Variants in RAB38 observed in about 807,000 individuals in gnomAD.
RAB38 encodes the protein ras-related protein Rab-38.
A neutral mutation model predicts 18.4 loss-of-function variants in RAB38; 15 were observed. The ratio of observed to expected loss-of-function variants is 0.82; its 90% CI spans 0.55 to 1.26. The LOEUF is 1.26. RAB38 is among the 50% of genes most tolerant of loss of function. RAB38 has a pLI of 0.00. For missense variants in RAB38, 294 were observed against 267.4 expected (o/e 1.10, Z -0.69); for synonymous variants, 101 against 104.4 (o/e 0.97, Z 0.20).
chr11:87,877,776 A>AT, the RAB38 span, among the ~76,000 whole-genome samples: 1 of 151,344 alleles, frequency 6.6e-6, no homozygotes, highest in Non-Finnish European at 1.5e-5. Flanking sequence ...AAGCAGTATC[A>AT]TTTTCATGGC....
chr11:88,013,525 G>A, the RAB38 span, among the ~76,000 whole-genome samples: 3 of 152,102 alleles, frequency 2.0e-5, no homozygotes, highest in Non-Finnish European at 4.4e-5. Flanking sequence ...AAGCAATGCT[G>A]AGATTTTGTT....
intron 2 of RAB38, among the ~76,000 whole-genome samples, chr11:88,139,838 G>C (rs552469450): frequency 6.6e-6 from 1 of 152,328 alleles, no homozygotes; most frequent in East Asian, 1.9e-4. Context: ...GACTGGATCT[G>C]AAGTCTAGGC....
At chr11:87,929,862 G>A in the RAB38 span, among the ~76,000 whole-genome samples, 2 of 151,972 alleles carry the variant, frequency 1.3e-5, no homozygotes, top group South Asian at 4.2e-4. Context: ...ATGGTTTCCA[G>A]CTTCATCCAT....
chr11:87,881,076 C>A, the RAB38 span, among the ~76,000 whole-genome samples: 5 of 151,824 alleles, frequency 3.3e-5, no homozygotes, highest in African/African-American at 4.8e-5. Context: ...AGCTCCTGGG[C>A]TCAAGCAATC....
At chr11:87,822,565 G>C in the RAB38 span, among the ~76,000 whole-genome samples, 1 of 152,174 alleles carries the variant, frequency 6.6e-6, no homozygotes, top group Non-Finnish European at 1.5e-5. Flanking sequence ...AGATTTTCCA[G>C]CTTACTCAAG....
chr11:87,951,582 A>T, the RAB38 span, among the ~76,000 whole-genome samples: 1 of 151,790 alleles, frequency 6.6e-6, no homozygotes, highest in East Asian at 1.9e-4. Flanking sequence ...TTTGGTGTGG[A>T]TGTCCTTTCT....
the RAB38 span, among the ~76,000 whole-genome samples, chr11:87,916,646 TTC>T: frequency 6.6e-6 from 1 of 152,174 alleles, no homozygotes; most frequent in Non-Finnish European, 1.5e-5. Flanking sequence ...GTCTCAAGTA[TTC>T]TGTTATAGCA....
the RAB38 span, among the ~76,000 whole-genome samples, chr11:87,889,898 C>T: frequency 6.6e-6 from 1 of 151,754 alleles, no homozygotes; most frequent in Non-Finnish European, 1.5e-5. Context: ...TCTGTATTCT[C>T]TGTATCTAAT....
At chr11:88,047,966 A>T in the RAB38 span, among the ~76,000 whole-genome samples, 1 of 152,092 alleles carries the variant, frequency 6.6e-6, no homozygotes, top group Non-Finnish European at 1.5e-5. Context: ...AACCTCTTCC[A>T]TGTAGGTTAC....
chr11:87,968,066 T>A, the RAB38 span, among the ~76,000 whole-genome samples: 1 of 152,228 alleles, frequency 6.6e-6, no homozygotes. Flanking sequence ...ATATGACCTC[T>A]TGTTTGTATT....
the RAB38 span, among the ~76,000 whole-genome samples, chr11:87,977,816 A>T: frequency 9.2e-6 from 1 of 109,000 alleles, no homozygotes; most frequent in Non-Finnish European, 1.7e-5. Context: ...TTATATATTA[A>T]ATATATGTTC....
the RAB38 span, among the ~76,000 whole-genome samples, chr11:87,840,295 T>C: frequency 0.046 from 7,054 of 152,282 alleles, 300 homozygotes; most frequent in Admixed American, 0.14. Context: ...ATTTGCTTCA[T>C]GAAATTAAGA....
the RAB38 span, among the ~76,000 whole-genome samples, chr11:87,902,785 A>G: frequency 4.8e-3 from 726 of 151,250 alleles, 5 homozygotes; most frequent in African/African-American, 0.017. Flanking sequence ...CTTTCAAATG[A>G]TATTTTAAAA....
At chr11:88,093,889 C>T in the RAB38 span, among the ~76,000 whole-genome samples, 1 of 151,980 alleles carries the variant, frequency 6.6e-6, no homozygotes, top group South Asian at 2.1e-4. Context: ...GATGTCCTAC[C>T]CACTTTTTCT....
the RAB38 span, among the ~76,000 whole-genome samples, chr11:87,966,731 T>A: frequency 2.0e-5 from 3 of 152,182 alleles, no homozygotes; most frequent in African/African-American, 4.8e-5. Flanking sequence ...TTATATAGAC[T>A]CCATCAAGTC....
At chr11:88,170,248 T>C (rs568305042) in intron 1 of RAB38, among the ~76,000 whole-genome samples, 180 of 152,316 alleles carry the variant, frequency 1.2e-3, no homozygotes, top group African/African-American at 4.2e-3. Flanking sequence ...TTAGAAAATC[T>C]GTAATTAGCT....
the RAB38 span, among the ~76,000 whole-genome samples, chr11:88,072,408 G>A: frequency 2.6e-5 from 4 of 152,062 alleles, no homozygotes; most frequent in Admixed American, 6.5e-5. Flanking sequence ...CTAAACAAAC[G>A]AAAGGAGAAT....
chr11:87,867,009 TG>T, the RAB38 span, among the ~76,000 whole-genome samples: 1 of 151,880 alleles, frequency 6.6e-6, no homozygotes, highest in East Asian at 2.0e-4. Flanking sequence ...GCCATTGCCT[TG>T]GAAGGTATTT....
At chr11:88,028,267 C>A in the RAB38 span, among the ~76,000 whole-genome samples, 1 of 152,060 alleles carries the variant, frequency 6.6e-6, no homozygotes, top group African/African-American at 2.4e-5. Flanking sequence ...GATAAAACCA[C>A]AAAGATGGGG....
Sources: gnomAD v4.1 joint callset for allele counts (sites outside exome capture counted in the v4.1 genomes callset) on GRCh38, gnomAD v4.1.1 for gene constraint, MANE v1.5 for transcripts, NCBI Gene and HGNC (gene_info 2026-07-23, HGNC 2026-07-21) for gene names.